The following RAP1B variants were observed in gnomAD, a reference collection of about 807,000 sequenced individuals.
RAP1B encodes the protein RAP1B, member of RAS oncogene family, also known as ras-related protein Rap-1b.
A neutral mutation model predicts 27.5 loss-of-function variants in RAP1B; 1 was observed. The observed-to-expected ratio is 0.04, with a 90% CI of 0.01 to 0.17. RAP1B has a LOEUF of 0.17. RAP1B is among the 10% of genes least tolerant of loss of function. The probability of loss-of-function intolerance (pLI) is 1.00; values close to 1 mark genes in which losing one functional copy is unlikely to be tolerated. For synonymous variants in RAP1B, 75 were observed against 73.1 expected (o/e 1.03, Z -0.13); for missense variants, 84 against 214.8 (o/e 0.39, Z 3.81).
intron 1 of RAP1B, among the ~76,000 whole-genome samples, chr12:68,644,103 C>T (rs752934831): frequency 6.6e-6 from 1 of 152,082 alleles, no homozygotes; most frequent in Non-Finnish European, 1.5e-5. Flanking sequence ...TTAATATTAG[C>T]GGTCAGAGAC....
rs547384864 is a variant in RAP1B, at chr12:68,643,924, G to A, written c.-26-4775G>A. 1.3e-4 allele frequency among the ~76,000 whole-genome samples: 19 copies of A among 151,954 alleles called. No homozygotes were observed. The East Asian group carries it at 3.5e-3, about 28-fold the overall frequency. On this transcript the variant is annotated intron_variant, in intron 1 of 7. Coordinates refer to ENST00000250559, the MANE Select transcript of RAP1B (RefSeq NM_001010942.3). ...ATTCCCTATCCCCCCACCTTGTCAT[G>A]TATTTTTTTTCTTTTTTTTATTCCA...
intron 1 of RAP1B, among the ~76,000 whole-genome samples, chr12:68,615,321 A>T (rs907775408): frequency 1.3e-5 from 2 of 152,154 alleles, no homozygotes; most frequent in Non-Finnish European, 2.9e-5. Context: ...AGTTTTTTTT[A>T]ATTTAAATTC....
chr12:68,643,091 C>A, intron 1 of RAP1B: 1 of 627,852 alleles, frequency 1.6e-6, no homozygotes, highest in East Asian at 2.6e-5. Context: ...CAGAGTTTTT[C>A]TGTTGATTAT....
At chr12:68,635,642 A>G (rs1415747733) in intron 1 of RAP1B, among the ~76,000 whole-genome samples, 1 of 151,734 alleles carries the variant, frequency 6.6e-6, no homozygotes, top group Admixed American at 6.6e-5. Flanking sequence ...TTTGGTAGAG[A>G]CGGGGTTTCA....
At chr12:68,611,147 C>G (rs1870539942) in intron 1 of RAP1B, 104 bp downstream of exon 1, 1 of 146,376 alleles carries the variant, frequency 6.8e-6, no homozygotes. Context: ...AGGCGCGGGC[C>G]GGGCGCGGCG....
intron 7 of RAP1B, 200 bp downstream of exon 7, chr12:68,657,417 T>C: frequency 5.6e-6 from 2 of 355,504 alleles, no homozygotes; most frequent in South Asian, 5.2e-5. Context: ...TAAGTATTCT[T>C]TTTTTGAGAT....
chr12:68,639,970 A>G (rs560018842), intron 1 of RAP1B, among the ~76,000 whole-genome samples: 51 of 151,732 alleles, frequency 3.4e-4, no homozygotes, highest in Non-Finnish European at 6.2e-4. Context: ...CCTCCTGAGT[A>G]GCTGGGATTA....
In RAP1B at chr12:68,664,320, T is replaced by A. The variant is rs1011487642; in HGVS notation, c.*5071T>A. The A allele has an allele frequency of 3.3e-5, 5 of 152,234 alleles. No homozygotes were observed. The highest frequency in any genetic ancestry group is 6.5e-5 in the Admixed American group (1 of 15,286). 9.4% of individuals were successfully genotyped at this position (152,234 alleles called of 1,614,324 possible). ...TGGTAGTTATGTCCCCTGTGAGCAC[T>A]AATTTCAGAACAGGAAATTCTATTA... On this transcript the variant is annotated 3_prime_UTR_variant, in exon 8 of 8. Coordinates refer to ENST00000250559, the MANE Select transcript of RAP1B (RefSeq NM_001010942.3).
Position 68,630,389 on chromosome 12 carries a change from T to C in RAP1B, c.-26-18310T>C, listed in dbSNP as rs575933866. On this transcript the variant is annotated intron_variant, in intron 1 of 7. Coordinates refer to ENST00000250559, the MANE Select transcript of RAP1B (RefSeq NM_001010942.3). ...CATTAAAACTTTATGAGTGTGACTG[T>C]GTTCCAACAAAATTTTATTTACCAA... Among the ~76,000 whole-genome samples the C allele has an allele frequency of 1.2e-4, 19 of 152,246 alleles. 1 individual carries two copies. In the South Asian group the frequency reaches 1.9e-3, roughly 15 times the overall value.
Position 68,663,033 on chromosome 12 carries a change from A to G in RAP1B, c.*3784A>G, listed in dbSNP as rs536535256. 1.3e-5 allele frequency: 2 copies of G among 151,992 alleles called. No individual in the cohort carries two copies. The highest frequency in any genetic ancestry group is 3.9e-4 in the East Asian group (2 of 5,176). The allele number at this position is 151,992 out of a possible 1,614,324, so 9.4% of individuals were successfully genotyped here. On this transcript the variant is annotated 3_prime_UTR_variant, in exon 8 of 8. Coordinates refer to ENST00000250559, the MANE Select transcript of RAP1B (RefSeq NM_001010942.3). ...AAGTCTGTTCTATTTGTTACAGTGC[A>G]TCAACACATTTGAATTTTCTTTTTT...
chr12:68,655,329 C>A (rs904520071), intron 5 of RAP1B, among the ~76,000 whole-genome samples: 1 of 151,944 alleles, frequency 6.6e-6, no homozygotes, highest in Non-Finnish European at 1.5e-5. Flanking sequence ...AAAATAAATA[C>A]ATAAATAAGA....
At position 68,659,883 on chromosome 12, in the gene RAP1B, T is replaced by G; in HGVS notation, c.*634T>G. On this transcript the variant is annotated 3_prime_UTR_variant, in exon 8 of 8. Transcript: ENST00000250559. ...AATGTCTTAGATTAAAGACGTTGCC[T>G]TTAATATCTGTTGGGAAGGAAATGT... 1 of 152,138 alleles carries G rather than the reference T, an allele frequency of 6.6e-6. No homozygotes were observed. The allele number at this position is 152,138 out of a possible 1,614,324, so 9.4% of individuals were successfully genotyped here. A position where few individuals can be genotyped will look rare whatever the true frequency, so the allele number is the denominator to read the frequency against.
chr12:68,638,590 AAAT>A (rs1450233295), intron 1 of RAP1B, among the ~76,000 whole-genome samples: 8 of 152,192 alleles, frequency 5.3e-5, no homozygotes, highest in Admixed American at 1.3e-4. Flanking sequence ...GAAGTTAGAG[AAAT>A]AATATTTAGA....
In RAP1B at chr12:68,662,236, A is replaced by G. The variant is rs932078228; in HGVS notation, c.*2987A>G. 6.6e-6 allele frequency: 1 copy of G among 151,824 alleles called. No individual in the cohort carries two copies. The highest frequency in any genetic ancestry group is 6.6e-5 in the Admixed American group (1 of 15,264). The allele number at this position is 151,824 out of a possible 1,614,324, so 9.4% of individuals were successfully genotyped here. A position where few individuals can be genotyped will look rare whatever the true frequency, so the allele number is the denominator to read the frequency against. ...TGTAGATTGACTTTTCTGGTGCTTA[A>G]TGGGAAAATACTAAAATAATTGAGT... On this transcript the variant is annotated 3_prime_UTR_variant, in exon 8 of 8. Coordinates refer to ENST00000250559, the MANE Select transcript of RAP1B (RefSeq NM_001010942.3).
In RAP1B at chr12:68,661,438, T is replaced by A. The variant is rs556730750; in HGVS notation, c.*2189T>A. On this transcript the variant is annotated 3_prime_UTR_variant, in exon 8 of 8. Coordinates refer to ENST00000250559, the MANE Select transcript of RAP1B (RefSeq NM_001010942.3). ...TTCATTCATTGGACAAATTAAGTAC[T>A]TAAGTATAAAAATTGTTCTAGGCCT... 1 of 152,248 alleles carries A rather than the reference T, an allele frequency of 6.6e-6. No individual in the cohort carries two copies. Among genetic ancestry groups the A allele is most frequent in the East Asian group, 1.9e-4 (1 of 5,180 alleles). The allele number at this position is 152,248 out of a possible 1,614,324, so 9.4% of individuals were successfully genotyped here. A position where few individuals can be genotyped will look rare whatever the true frequency, so the allele number is the denominator to read the frequency against.
chr12:68,627,633 G>A (rs1052671302), intron 1 of RAP1B, among the ~76,000 whole-genome samples: 5 of 152,036 alleles, frequency 3.3e-5, no homozygotes, highest in African/African-American at 1.2e-4. Context: ...ACGTCATGCT[G>A]GAATGTGACC....
intron 1 of RAP1B, among the ~76,000 whole-genome samples, chr12:68,627,947 A>T (rs192165260): frequency 0.017 from 2,511 of 147,096 alleles, 30 homozygotes; most frequent in South Asian, 0.036. Flanking sequence ...CAAAAAATTT[A>T]AAAAAAAAAA....
In RAP1B at chr12:68,664,425, T is replaced by A. The variant is rs897190924; in HGVS notation, c.*5176T>A. ...AAGGAGTAAATGATATAATCCAGTC[T>A]GGCCTGGCATGGTGGCTCACACTTG... On this transcript the variant is annotated 3_prime_UTR_variant, in exon 8 of 8. Coordinates refer to ENST00000250559, the MANE Select transcript of RAP1B (RefSeq NM_001010942.3). 3 of 152,202 alleles carry A rather than the reference T, an allele frequency of 2.0e-5. No individual in the cohort carries two copies. The highest frequency in any genetic ancestry group is 7.2e-5 in the African/African-American group (3 of 41,438). The allele number at this position is 152,202 out of a possible 1,614,324, so 9.4% of individuals were successfully genotyped here.
At position 68,614,602 on chromosome 12, in the gene RAP1B, C is replaced by A. The variant is rs374607303; in HGVS notation, c.-27+3559C>A. Among the ~76,000 whole-genome samples the A allele has an allele frequency of 4.7e-5, 7 of 149,108 alleles. No homozygotes were observed. The East Asian group carries it at 1.2e-3, about 26-fold the overall frequency. ...CTAAAAATATGCCCTGGGTTTTCTT[C>A]CCCCTCCTGTCATTATTGAGGACTC... On this transcript the variant is annotated intron_variant, in intron 1 of 7. Transcript: ENST00000250559.
Sources: allele counts gnomAD v4.1 joint callset (sites outside exome capture counted in the v4.1 genomes callset), GRCh38; gene constraint gnomAD v4.1.1; transcripts MANE v1.5; gene names NCBI Gene and HGNC (gene_info 2026-07-23, HGNC 2026-07-21).